GPR139: variants seen among roughly 807,000 people sequenced by gnomAD.
GPR139 encodes G protein-coupled receptor 139.
Under a neutral mutation model 25.8 loss-of-function variants are expected in GPR139, and 12 were observed. That is an observed-to-expected ratio of 0.47 (90% CI 0.30 to 0.75). GPR139 has a LOEUF of 0.75. Among genes scored for constraint, GPR139 ranks in the 30% least tolerant of loss-of-function variants. The pLI, the probability that GPR139 is intolerant of heterozygous loss-of-function variation, is 0.07. For missense variants in GPR139, 380 were observed against 450.2 expected (o/e 0.84, Z 1.41); for synonymous variants, 184 against 179.9 (o/e 1.02, Z -0.18).
intron 1 of GPR139, among the ~76,000 whole-genome samples, chr16:20,041,480 C>T (rs972198544): frequency 2.0e-5 from 3 of 151,654 alleles, no homozygotes; most frequent in Admixed American, 6.6e-5. Context: ...GGGTAGAGAC[C>T]GAATTGTATG....
In GPR139 at chr16:20,031,451, C is replaced by T. The variant is rs904509671; in HGVS notation, c.*284G>A. 42 of 427,534 alleles carry T rather than the reference C, an allele frequency of 9.8e-5. 1 individual carries two copies. The South Asian group carries it at 1.2e-3, about 12-fold the overall frequency. 26.5% of individuals were successfully genotyped at this position (427,534 alleles called of 1,614,324 possible). ...ACTACTTCTCTACTTTGTGTCCTAA[C>T]TGGTCACAGGATGATGACACAAGCT... On this transcript the variant is annotated 3_prime_UTR_variant, in exon 2 of 2. Coordinates refer to ENST00000570682, the MANE Select transcript of GPR139 (RefSeq NM_001002911.4).
chr16:20,048,891 T>C (rs2141207709), intron 1 of GPR139, among the ~76,000 whole-genome samples: 1 of 152,312 alleles, frequency 6.6e-6, no homozygotes, highest in African/African-American at 2.4e-5. Context: ...AGCCATTGCC[T>C]GAACGTGCAA....
At chr16:20,036,583 C>T (rs1329033318) in intron 1 of GPR139, among the ~76,000 whole-genome samples, 1 of 152,154 alleles carries the variant, frequency 6.6e-6, no homozygotes. Flanking sequence ...TGCAGGGGAA[C>T]TCCCCTTTAT....
At chr16:20,061,061 CTGTG>C (rs58567910) in intron 1 of GPR139, among the ~76,000 whole-genome samples, 8,238 of 134,510 alleles carry the variant, frequency 0.061, 699 homozygotes, top group African/African-American at 0.22. Context: ...AGTCTTTCCT[CTGTG>C]TGTGTGTGTG....
intron 1 of GPR139, among the ~76,000 whole-genome samples, chr16:20,039,092 G>C (rs1483587040): frequency 6.6e-6 from 1 of 152,216 alleles, no homozygotes; most frequent in Non-Finnish European, 1.5e-5. Flanking sequence ...GGTGTCGTCA[G>C]ACAGGTTTAA....
intron 1 of GPR139, among the ~76,000 whole-genome samples, chr16:20,045,926 AG>A (rs2057352913): frequency 6.6e-6 from 1 of 152,084 alleles, no homozygotes; most frequent in Admixed American, 6.6e-5. Flanking sequence ...TTGTGGACAC[AG>A]GGGTGAAGGT....
At position 20,031,498 on chromosome 16, in the gene GPR139, T is replaced by C. The variant is rs2057287819; in HGVS notation, c.*237A>G. ...AGCTCCAATGGCATCTTCAAACTGG[T>C]AGGAGCTTTTGCTGTCATTACGACT... On this transcript the variant is annotated 3_prime_UTR_variant, in exon 2 of 2. Transcript: ENST00000570682. The C allele has an allele frequency of 3.8e-6, 2 of 532,502 alleles. 1 individual carries two copies. The highest frequency in any genetic ancestry group is 6.4e-5 in the Admixed American group (2 of 31,198). 33.0% of individuals were successfully genotyped at this position (532,502 alleles called of 1,614,324 possible). A position where few individuals can be genotyped will look rare whatever the true frequency, so the allele number is the denominator to read the frequency against.
intron 1 of GPR139, among the ~76,000 whole-genome samples, chr16:20,059,623 G>C (rs572374326): frequency 6.6e-6 from 1 of 152,260 alleles, no homozygotes; most frequent in African/African-American, 2.4e-5. Flanking sequence ...GTGTGCATTG[G>C]CTTCCCTGCC....
intron 1 of GPR139, among the ~76,000 whole-genome samples, chr16:20,051,289 C>A (rs1047547409): frequency 1.3e-5 from 2 of 152,152 alleles, no homozygotes; most frequent in African/African-American, 4.8e-5. Flanking sequence ...ACCTCCCACA[C>A]AATGCACACC....
chr16:20,057,058 GA>G (rs1213807477), intron 1 of GPR139, among the ~76,000 whole-genome samples: 3 of 152,196 alleles, frequency 2.0e-5, no homozygotes, highest in African/African-American at 4.8e-5. Flanking sequence ...CAGCTGCAAA[GA>G]CCATGCTGGG....
At chr16:20,052,788 C>CAAA (rs56189908) in intron 1 of GPR139, among the ~76,000 whole-genome samples, 1 of 121,942 alleles carries the variant, frequency 8.2e-6, no homozygotes, top group African/African-American at 2.8e-5. Flanking sequence ...GACTCCATCT[C>CAAA]AAAAAAAAAA....
intron 1 of GPR139, among the ~76,000 whole-genome samples, chr16:20,056,559 G>A (rs1333570633): frequency 6.6e-6 from 1 of 152,352 alleles, no homozygotes; most frequent in East Asian, 1.9e-4. Context: ...GCTTGGGAGA[G>A]TCTCTTAACT....
At chr16:20,047,891 A>G (rs1364048756) in intron 1 of GPR139, among the ~76,000 whole-genome samples, 11 of 152,166 alleles carry the variant, frequency 7.2e-5, no homozygotes, top group Non-Finnish European at 5.9e-5. Flanking sequence ...CACCTATCAC[A>G]GGTTTTCATG....
chr16:20,072,224 G>C (rs1056877633), intron 1 of GPR139, among the ~76,000 whole-genome samples: 5 of 152,184 alleles, frequency 3.3e-5, no homozygotes, highest in African/African-American at 1.2e-4. Flanking sequence ...GGCTTGGGGA[G>C]AGAGGCTCAC....
intron 1 of GPR139, among the ~76,000 whole-genome samples, chr16:20,070,676 C>T (rs1273180580): frequency 6.6e-6 from 1 of 152,240 alleles, no homozygotes; most frequent in Non-Finnish European, 1.5e-5. Context: ...CCACCCATGT[C>T]TCCAACAACT....
intron 1 of GPR139, among the ~76,000 whole-genome samples, chr16:20,046,497 G>A (rs1364741854): frequency 6.6e-6 from 1 of 152,178 alleles, no homozygotes; most frequent in African/African-American, 2.4e-5. Flanking sequence ...TTTCTGTGCT[G>A]GGGCTGCAGG....
At position 20,049,621 on chromosome 16, in the gene GPR139, C is replaced by T. The variant is rs72772724; in HGVS notation, c.128-16952G>A. Among the ~76,000 whole-genome samples the T allele has an allele frequency of 5.4e-3, 819 of 152,310 alleles. 4 individuals carry two copies. Among genetic ancestry groups the T allele is most frequent in the Non-Finnish European group, 8.5e-3 (575 of 68,030 alleles). On this transcript the variant is annotated intron_variant, in intron 1 of 1. Coordinates refer to ENST00000570682, the MANE Select transcript of GPR139 (RefSeq NM_001002911.4). The stretch of plus-strand genomic sequence containing the variant: ...CTATTGAATGTGATTGACAGTTTCA[C>T]TCTTAGAACACTTTTCCCTTGTTGA...
chr16:20,043,424 G>A (rs113747165), intron 1 of GPR139, among the ~76,000 whole-genome samples: 8 of 152,210 alleles, frequency 5.3e-5, no homozygotes, highest in East Asian at 1.9e-4. Context: ...GTGGCTTTGC[G>A]TAGATGAGAT....
At chr16:20,034,882 T>G (rs953333657) in intron 1 of GPR139, among the ~76,000 whole-genome samples, 2 of 152,112 alleles carry the variant, frequency 1.3e-5, no homozygotes, top group Admixed American at 1.3e-4. Context: ...ATTTATTATA[T>G]TAAATATGTT....
Sources: gnomAD v4.1 joint callset for allele counts (sites outside exome capture counted in the v4.1 genomes callset) on GRCh38, gnomAD v4.1.1 for gene constraint, MANE v1.5 for transcripts, NCBI Gene and HGNC (gene_info 2026-07-23, HGNC 2026-07-21) for gene names.